DMRT1: variants seen among roughly 807,000 people sequenced by gnomAD.
The protein encoded by DMRT1 is doublesex and mab-3 related transcription factor 1, also known as doublesex- and mab-3-related transcription factor 1.
A neutral mutation model predicts 32.3 loss-of-function variants in DMRT1; 7 were observed. The observed-to-expected ratio is 0.22, with a 90% CI of 0.12 to 0.41. DMRT1 has a LOEUF of 0.41. Ranked by LOEUF, DMRT1 falls within the 10% of genes least tolerant of loss-of-function variation. DMRT1 has a pLI of 1.00. For synonymous variants in DMRT1, 278 were observed against 206.1 expected, an observed-to-expected ratio of 1.35 and a Z score of -2.99; for missense variants, 625 against 500.5, an observed-to-expected ratio of 1.25 and a Z score of -2.37.
chr9:843,949 T>C (rs1485632514), intron 1 of DMRT1, among the ~76,000 whole-genome samples: 1 of 152,182 alleles, frequency 6.6e-6, no homozygotes, highest in African/African-American at 2.4e-5. Flanking sequence ...AAGAATACAC[T>C]GGGTGTGGCA....
intron 1 of DMRT1, among the ~76,000 whole-genome samples, chr9:846,396 T>C (rs1365361821): frequency 6.6e-6 from 1 of 152,182 alleles, no homozygotes; most frequent in African/African-American, 2.4e-5. Flanking sequence ...TACCTGTTTT[T>C]AGTACAGTGG....
At chr9:904,280 G>T (rs1417412013) in intron 3 of DMRT1, among the ~76,000 whole-genome samples, 1 of 152,104 alleles carries the variant, frequency 6.6e-6, no homozygotes, top group East Asian at 1.9e-4. Context: ...TTTTTTTCCT[G>T]TTAAGTAGAC....
At chr9:915,223 C>T (rs572904039) in intron 3 of DMRT1, among the ~76,000 whole-genome samples, 2 of 152,170 alleles carry the variant, frequency 1.3e-5, no homozygotes, top group African/African-American at 2.4e-5. Flanking sequence ...CTGTTGTTGC[C>T]GTGAAGATGT....
At chr9:961,317 T>G (rs1269803491) in intron 4 of DMRT1, among the ~76,000 whole-genome samples, 1 of 152,126 alleles carries the variant, frequency 6.6e-6, no homozygotes, top group South Asian at 2.1e-4. Context: ...AACCCAGTAA[T>G]TGTAGATTAG....
intron 2 of DMRT1, among the ~76,000 whole-genome samples, chr9:874,138 C>T (rs1344697653): frequency 6.6e-6 from 1 of 152,176 alleles, no homozygotes; most frequent in Admixed American, 6.5e-5. Context: ...GGTAGAATCT[C>T]TTTTCTCCTC....
rs757116462 is a variant in DMRT1 at position 967,966 on chromosome 9, C to T, written c.968-19C>T. On this transcript the variant is annotated intron_variant, in intron 4 of 4. Coordinates refer to ENST00000382276, the MANE Select transcript of DMRT1 (RefSeq NM_021951.3). ...TCCCTTTCTCCCTTTCTCTCTTTCT[C>T]TCTCACCTCACTTCGCAGTATTCTC... 5.0e-6 allele frequency: 8 copies of T among 1,612,788 alleles called. No individual in the cohort carries two copies. Among genetic ancestry groups the T allele is most frequent in the South Asian group, 3.3e-5 (3 of 91,044 alleles).
intron 2 of DMRT1, among the ~76,000 whole-genome samples, chr9:877,737 A>T (rs1816562608): frequency 6.6e-6 from 1 of 152,254 alleles, no homozygotes; most frequent in Admixed American, 6.5e-5. Context: ...AGCAGAATCA[A>T]AGCAAAGGGA....
At chr9:893,649 C>A (rs73639471) in intron 2 of DMRT1, among the ~76,000 whole-genome samples, 2,001 of 152,306 alleles carry the variant, frequency 0.013, 39 homozygotes, top group African/African-American at 0.046. Context: ...TGCTGTTGGG[C>A]TTTATGTAAT....
chr9:875,908 A>G (rs1452072542), intron 2 of DMRT1, among the ~76,000 whole-genome samples: 2 of 152,200 alleles, frequency 1.3e-5, no homozygotes, highest in Non-Finnish European at 2.9e-5. Flanking sequence ...TCCGGTGTTT[A>G]AAAGCCAGAA....
chr9:857,449 C>T (rs1342373103), intron 2 of DMRT1, among the ~76,000 whole-genome samples: 1 of 151,954 alleles, frequency 6.6e-6, no homozygotes, highest in Non-Finnish European at 1.5e-5. Flanking sequence ...ATAAAGGGAC[C>T]TGGAGAGAGT....
At chr9:919,382 A>G (rs1015644642) in intron 4 of DMRT1, among the ~76,000 whole-genome samples, 24 of 143,152 alleles carry the variant, frequency 1.7e-4, no homozygotes, top group Non-Finnish European at 2.3e-4. Context: ...TGGGTTTGCT[A>G]TAAAGCTGGC....
At chr9:879,741 G>C (rs1464958456) in intron 2 of DMRT1, among the ~76,000 whole-genome samples, 1 of 152,188 alleles carries the variant, frequency 6.6e-6, no homozygotes, top group Non-Finnish European at 1.5e-5. Flanking sequence ...GATCAGACTA[G>C]ATCTGCTGGT....
chr9:937,781 T>C (rs1046417761), intron 4 of DMRT1, among the ~76,000 whole-genome samples: 2 of 152,154 alleles, frequency 1.3e-5, no homozygotes, highest in African/African-American at 2.4e-5. Flanking sequence ...GTATTTTTTT[T>C]CCCATTCTGT....
chr9:945,943 G>GT (rs1164942867), intron 4 of DMRT1, among the ~76,000 whole-genome samples: 2 of 152,024 alleles, frequency 1.3e-5, no homozygotes, highest in African/African-American at 2.4e-5. Context: ...AAGGGGTGTT[G>GT]TAGTCAATGT....
At chr9:886,426 T>C (rs1053818391) in intron 2 of DMRT1, among the ~76,000 whole-genome samples, 1 of 152,142 alleles carries the variant, frequency 6.6e-6, no homozygotes, top group African/African-American at 2.4e-5. Context: ...GCCCGGCTAG[T>C]TTTTCTGTTT....
chr9:964,713 C>T (rs996618630), intron 4 of DMRT1, among the ~76,000 whole-genome samples: 4 of 152,112 alleles, frequency 2.6e-5, no homozygotes, highest in South Asian at 2.1e-4. Flanking sequence ...TCTTCACTGA[C>T]GGTGTGTTGA....
At chr9:861,175 G>A (rs1815647393) in intron 2 of DMRT1, among the ~76,000 whole-genome samples, 1 of 151,506 alleles carries the variant, frequency 6.6e-6, no homozygotes, top group African/African-American at 2.4e-5. Flanking sequence ...GTGAACAAAG[G>A]TCTCTGGTTT....
chr9:862,465 C>T (rs994267537), intron 2 of DMRT1, among the ~76,000 whole-genome samples: 9 of 129,520 alleles, frequency 6.9e-5, no homozygotes, highest in South Asian at 2.7e-4. Flanking sequence ...AGTCCAGCCT[C>T]GGCATCAGAG....
intron 3 of DMRT1, among the ~76,000 whole-genome samples, 191 bp from the exon 4 acceptor site, chr9:916,572 G>C (rs1372652109): frequency 6.6e-6 from 1 of 152,088 alleles, no homozygotes; most frequent in African/African-American, 2.4e-5. Context: ...AGGTTTCACT[G>C]TGTTGCCCTG....
Sources: gnomAD v4.1 joint callset for allele counts (sites outside exome capture counted in the v4.1 genomes callset) on GRCh38, gnomAD v4.1.1 for gene constraint, MANE v1.5 for transcripts, NCBI Gene and HGNC (gene_info 2026-07-23, HGNC 2026-07-21) for gene names.